The following UNC13C variants were observed in gnomAD, a reference collection of about 807,000 sequenced individuals.
UNC13C encodes the protein unc-13 homolog C.
In UNC13C, 174 loss-of-function variants were observed where a neutral mutation model predicts 245.4. That is an observed-to-expected ratio of 0.71 (90% CI 0.63 to 0.80). The LOEUF (loss-of-function observed/expected upper bound fraction) is 0.80. Among genes scored for constraint, UNC13C ranks in the 30% least tolerant of loss-of-function variants. The pLI is 0.00. For missense variants in UNC13C, 2,829 were observed against 2,602.9 expected (o/e 1.09, Z -1.89); for synonymous variants, 992 against 895.1 (o/e 1.11, Z -1.93).
intron 16 of UNC13C, among the ~76,000 whole-genome samples, chr15:54,336,589 T>C (rs561280484): frequency 6.6e-6 from 1 of 152,104 alleles, no homozygotes; most frequent in African/African-American, 2.4e-5. Context: ...TTACCTTTTA[T>C]ATTTGGGCAT....
At chr15:54,521,981 G>C (rs1175206445) in intron 24 of UNC13C, among the ~76,000 whole-genome samples, 1 of 152,146 alleles carries the variant, frequency 6.6e-6, no homozygotes, top group Non-Finnish European at 1.5e-5. Flanking sequence ...ATTTATAAGA[G>C]AGCATTTAGA....
chr15:54,148,730 A>G (rs780871316), intron 4 of UNC13C, among the ~76,000 whole-genome samples: 2 of 152,208 alleles, frequency 1.3e-5, no homozygotes, highest in Admixed American at 6.5e-5. Context: ...GTTCCCTCAG[A>G]TAACTTCCCT....
Position 54,394,786 on chromosome 15 carries a change from A to G in UNC13C, c.4847+1605A>G, listed in dbSNP as rs1002996011. Among the ~76,000 whole-genome samples the G allele has an allele frequency of 2.6e-5, 4 of 152,022 alleles. No individual in the cohort carries two copies. The East Asian group carries it at 7.7e-4, about 29-fold the overall frequency. On this transcript the variant is annotated intron_variant, in intron 18 of 32. Coordinates refer to ENST00000260323, the MANE Select transcript of UNC13C (RefSeq NM_001080534.3). ...ATTTGATCAGTAAAAATACATTATA[A>G]AATCATGGAAGAAATTAAAGTATCC...
At chr15:54,537,161 G>C (rs1051569509) in intron 26 of UNC13C, among the ~76,000 whole-genome samples, 2 of 151,956 alleles carry the variant, frequency 1.3e-5, no homozygotes, top group African/African-American at 4.8e-5. Context: ...ACAAAAATCA[G>C]TAGTATTTCT....
the UNC13C span, among the ~76,000 whole-genome samples, chr15:53,895,660 G>A: frequency 6.6e-6 from 1 of 152,152 alleles, no homozygotes; most frequent in Non-Finnish European, 1.5e-5. Flanking sequence ...TGTGCAGATA[G>A]CTGAAGAATG....
chr15:54,263,190 C>CT (rs1194294368), intron 8 of UNC13C, among the ~76,000 whole-genome samples: 1 of 152,130 alleles, frequency 6.6e-6, no homozygotes, highest in Non-Finnish European at 1.5e-5. Context: ...GAACACAAGT[C>CT]TTTCGATTAT....
intron 17 of UNC13C, among the ~76,000 whole-genome samples, chr15:54,365,486 C>T (rs1364979294): frequency 6.6e-6 from 1 of 152,136 alleles, no homozygotes; most frequent in African/African-American, 2.4e-5. Context: ...GAAACCATCA[C>T]CACCATCAAG....
downstream of UNC13C, chr15:54,629,263 C>T (rs564465348): frequency 6.6e-6 from 1 of 151,980 alleles, no homozygotes; most frequent in African/African-American, 2.4e-5. Flanking sequence ...AAGGGGGCAA[C>T]AACAGACACT....
At chr15:54,029,292 A>G (rs1896255959) in intron 2 of UNC13C, among the ~76,000 whole-genome samples, 1 of 152,250 alleles carries the variant, frequency 6.6e-6, no homozygotes, top group Non-Finnish European at 1.5e-5. Context: ...ATAGGGAACC[A>G]AATAAGTCAA....
chr15:54,612,698 C>T (rs543840204), intron 30 of UNC13C, among the ~76,000 whole-genome samples: 1 of 152,104 alleles, frequency 6.6e-6, no homozygotes, highest in South Asian at 2.1e-4. Context: ...TAATGACTTA[C>T]ATGTGTTATT....
intron 2 of UNC13C, among the ~76,000 whole-genome samples, chr15:54,127,714 T>C (rs2031142993): frequency 7.0e-6 from 1 of 143,716 alleles, no homozygotes; most frequent in African/African-American, 2.6e-5. Flanking sequence ...TGTGTGTGTA[T>C]ATATATATAT....
chr15:54,415,117 T>C (rs1007315757), intron 19 of UNC13C, 50 bp downstream of exon 19: 1 of 1,328,010 alleles, frequency 7.5e-7, no homozygotes, highest in African/African-American at 1.5e-5. Context: ...AGTTAAATGG[T>C]GATATTGTGT....
intron 30 of UNC13C, among the ~76,000 whole-genome samples, chr15:54,599,382 G>A (rs1899277630): frequency 6.6e-6 from 1 of 151,956 alleles, no homozygotes; most frequent in South Asian, 2.1e-4. Context: ...ATGCCTTTTT[G>A]CTTTCTTTTC....
intron 19 of UNC13C, among the ~76,000 whole-genome samples, chr15:54,454,846 G>T (rs1891388022): frequency 6.6e-6 from 1 of 151,092 alleles, no homozygotes. Flanking sequence ...TAGTTTCAGG[G>T]GAACAAGTGG....
Position 54,301,831 on chromosome 15 carries a change from A to G in UNC13C, c.4268+1458A>G, listed in dbSNP as rs898624096. Among the ~76,000 whole-genome samples the G allele has an allele frequency of 2.0e-5, 3 of 152,166 alleles. No homozygotes were observed. In the East Asian group the frequency reaches 5.8e-4, roughly 29 times the overall value. On this transcript the variant is annotated intron_variant, in intron 13 of 32. Coordinates refer to ENST00000260323, the MANE Select transcript of UNC13C (RefSeq NM_001080534.3). ...TAATGGGCTTGCTGGGTCAAATGGTATTTCTAGTTCTAGATCCTTGAGGAA... is the reference window on the plus strand; with the variant it reads ...TAATGGGCTTGCTGGGTCAAATGGTGTTTCTAGTTCTAGATCCTTGAGGAA...
chr15:54,199,498 A>G (rs931159206), intron 4 of UNC13C, among the ~76,000 whole-genome samples: 10 of 152,174 alleles, frequency 6.6e-5, no homozygotes, highest in African/African-American at 2.4e-4. Context: ...ATTTCTCAGC[A>G]GAGATCCTAC....
At chr15:54,164,060 C>G (rs1324144253) in intron 4 of UNC13C, among the ~76,000 whole-genome samples, 1 of 151,924 alleles carries the variant, frequency 6.6e-6, no homozygotes, top group Non-Finnish European at 1.5e-5. Context: ...CAAAATGATG[C>G]TTGTGTTATT....
chr15:54,605,074 G>A (rs1283180741), intron 30 of UNC13C, among the ~76,000 whole-genome samples: 1 of 152,194 alleles, frequency 6.6e-6, no homozygotes, highest in African/African-American at 2.4e-5. Context: ...CCAGCTTGGA[G>A]TTAGGATTCA....
intron 2 of UNC13C, among the ~76,000 whole-genome samples, chr15:54,057,362 G>A (rs1443262672): frequency 1.3e-5 from 2 of 151,284 alleles, no homozygotes; most frequent in Non-Finnish European, 2.9e-5. Flanking sequence ...AAGAGACAAA[G>A]AAGGCCATTA....
Sources: gnomAD v4.1 joint callset for allele counts (sites outside exome capture counted in the v4.1 genomes callset) on GRCh38, gnomAD v4.1.1 for gene constraint, MANE v1.5 for transcripts, NCBI Gene and HGNC (gene_info 2026-07-23, HGNC 2026-07-21) for gene names.